MAST4: variants seen among roughly 807,000 people sequenced by gnomAD.
MAST4 encodes the protein microtubule associated serine/threonine kinase family member 4.
In MAST4, 89 loss-of-function variants were observed where a neutral mutation model predicts 162.7. That is an observed-to-expected ratio of 0.55 (90% CI 0.46 to 0.65). The LOEUF (loss-of-function observed/expected upper bound fraction) is 0.65, where lower values mean the gene tolerates loss of function less well. Ranked by LOEUF, MAST4 falls within the 30% of genes least tolerant of loss-of-function variation. The probability of loss-of-function intolerance (pLI) is 0.00; values close to 1 mark genes in which losing one functional copy is unlikely to be tolerated. For synonymous variants in MAST4, 1,479 were observed against 1,361.1 expected, an observed-to-expected ratio of 1.09 and a Z score of -1.91; for missense variants, 3,153 against 3,374.0, an observed-to-expected ratio of 0.93 and a Z score of 1.62.
chr5:67,084,649 G>A (rs1305174403), intron 5 of MAST4, among the ~76,000 whole-genome samples: 1 of 152,076 alleles, frequency 6.6e-6, no homozygotes, highest in Non-Finnish European at 1.5e-5. Context: ...AAATTATTTA[G>A]AGAAAGAGAG....
chr5:67,101,143 G>A (rs1764982670), intron 8 of MAST4, among the ~76,000 whole-genome samples: 2 of 152,224 alleles, frequency 1.3e-5, no homozygotes, highest in Admixed American at 6.5e-5. Context: ...TCAGGAAGCA[G>A]AATCTAAAAC....
At chr5:67,056,287 C>A (rs1368593867) in intron 5 of MAST4, among the ~76,000 whole-genome samples, 2 of 152,108 alleles carry the variant, frequency 1.3e-5, no homozygotes, top group Non-Finnish European at 2.9e-5. Flanking sequence ...ATTGATATTA[C>A]ACCCTGTCAT....
chr5:66,992,173 C>G (rs966876462), intron 4 of MAST4, among the ~76,000 whole-genome samples: 9 of 152,046 alleles, frequency 5.9e-5, no homozygotes, highest in Non-Finnish European at 8.8e-5. Flanking sequence ...TACAGGTGCA[C>G]TTTTTTCTGT....
intron 1 of MAST4, among the ~76,000 whole-genome samples, chr5:66,750,385 C>T (rs567542334): frequency 1.8e-4 from 28 of 152,302 alleles, no homozygotes; most frequent in Admixed American, 4.6e-4. Flanking sequence ...TCTGAGGTAC[C>T]GGGTTCATCT....
intron 4 of MAST4, among the ~76,000 whole-genome samples, chr5:66,998,598 ACTTT>A (rs908634990): frequency 4.6e-5 from 7 of 152,198 alleles, no homozygotes; most frequent in Non-Finnish European, 1.0e-4. Flanking sequence ...GGTAGCCCTA[ACTTT>A]GTTATCACAC....
At chr5:67,088,008 T>G (rs1199661918) in intron 5 of MAST4, among the ~76,000 whole-genome samples, 1 of 151,764 alleles carries the variant, frequency 6.6e-6, no homozygotes, top group Non-Finnish European at 1.5e-5. Context: ...TTTATTTTTA[T>G]TATTTTTTTA....
At chr5:67,142,555 C>A in intron 21 of MAST4, 22 bp downstream of exon 21, 1 of 1,426,024 alleles carries the variant, frequency 7.0e-7, no homozygotes, top group Non-Finnish European at 9.7e-7. Flanking sequence ...GTGGCATAAA[C>A]ATACAGAGTC....
intron 1 of MAST4, among the ~76,000 whole-genome samples, chr5:66,718,180 T>C (rs1305546007): frequency 6.6e-6 from 1 of 150,944 alleles, no homozygotes; most frequent in Non-Finnish European, 1.5e-5. Context: ...TTTTCTTTTT[T>C]TTTTCTTTTT....
chr5:67,049,060 C>CGT (rs71940666), intron 4 of MAST4, among the ~76,000 whole-genome samples: 14,711 of 80,368 alleles, frequency 0.18, 1,546 homozygotes, highest in Non-Finnish European at 0.23. Flanking sequence ...TATATATATA[C>CGT]GTATATATAT....
At chr5:66,817,845 A>G (rs549448178) in intron 3 of MAST4, among the ~76,000 whole-genome samples, 33 of 152,336 alleles carry the variant, frequency 2.2e-4, no homozygotes, top group African/African-American at 7.7e-4. Context: ...ATATCAGTGT[A>G]TAAAACTTGA....
intron 3 of MAST4, among the ~76,000 whole-genome samples, chr5:66,831,181 A>G (rs1420002455): frequency 6.6e-6 from 1 of 152,138 alleles, no homozygotes; most frequent in Non-Finnish European, 1.5e-5. Flanking sequence ...ATTCCATATC[A>G]TTGCTTATGA....
intron 2 of MAST4, among the ~76,000 whole-genome samples, chr5:66,764,830 CT>C (rs951180452): frequency 6.6e-6 from 1 of 152,030 alleles, no homozygotes; most frequent in Non-Finnish European, 1.5e-5. Flanking sequence ...AGAAAAATAT[CT>C]TTTAAATCAG....
chr5:66,959,977 T>G (rs971038880), intron 4 of MAST4, among the ~76,000 whole-genome samples: 25 of 152,180 alleles, frequency 1.6e-4, no homozygotes, highest in Admixed American at 1.4e-3. Flanking sequence ...GCAGGAAGTG[T>G]CAGCAAATTT....
chr5:67,084,482 G>A (rs78280725), intron 5 of MAST4, among the ~76,000 whole-genome samples: 4,547 of 152,214 alleles, frequency 0.03, 157 homozygotes, highest in East Asian at 0.17. Context: ...TCAAAGCCCT[G>A]TGCATAACAA....
rs1202877550 is a variant in MAST4 at position 67,164,215 on chromosome 5, TAGAC to T, written c.5039_5042del (p.Asp1680AlafsTer26). The T allele has an allele frequency of 1.2e-6, 2 of 1,613,562 alleles. No homozygotes were observed. The highest frequency in any genetic ancestry group is 1.7e-6 in the Non-Finnish European group (2 of 1,179,772). On this transcript the variant is annotated frameshift_variant, in exon 29 of 29. Coordinates refer to ENST00000403625, the MANE Select transcript of MAST4 (RefSeq NM_001164664.2). LOFTEE classifies it low-confidence loss of function (END_TRUNC). This position sits in a 1 kb window ranked among gnomAD's most constrained non-coding sequence, Gnocchi z 5.3. The stretch of plus-strand genomic sequence containing the variant: ...AAGGAGCTTCTCCGATGTGAAAAGT[TAGAC>T]AGCAAGCTGGCCAACATCGATTACC...
intron 5 of MAST4, among the ~76,000 whole-genome samples, chr5:67,069,881 AGTGTGTGTGTGTGTGT>A (rs200867949): frequency 3.9e-4 from 56 of 142,756 alleles, no homozygotes; most frequent in African/African-American, 1.4e-3. Flanking sequence ...TTTGAGAGAA[AGTGTGTGTGTGTGTGT>A]GTGTGTGTGT....
At chr5:67,136,536 G>T in intron 18 of MAST4, 27 bp from the exon 19 acceptor site, 1 of 1,536,862 alleles carries the variant, frequency 6.5e-7, no homozygotes, top group Non-Finnish European at 8.9e-7. Flanking sequence ...GAACAATATG[G>T]TTATAAACAA....
intron 3 of MAST4, among the ~76,000 whole-genome samples, chr5:66,879,509 G>A (rs968930459): frequency 6.6e-6 from 1 of 151,940 alleles, no homozygotes; most frequent in African/African-American, 2.4e-5. Context: ...TGCTTTCTTT[G>A]TTTTGTTTTG....
At chr5:66,958,930 T>C (rs1243917706) in intron 4 of MAST4, 1 of 312,356 alleles carries the variant, frequency 3.2e-6, no homozygotes, top group Admixed American at 4.3e-5. Context: ...AGGTGAAAAG[T>C]GGGTCTGTGA....
Sources: gnomAD v4.1 joint callset for allele counts (sites outside exome capture counted in the v4.1 genomes callset) on GRCh38, gnomAD v4.1.1 for gene constraint, Gnocchi (gnomAD v3.1) non-coding constraint, MANE v1.5 for transcripts, NCBI Gene and HGNC (gene_info 2026-07-23, HGNC 2026-07-21) for gene names.